Variants in CEP128 observed in about 807,000 individuals in gnomAD.
CEP128 encodes the protein centrosomal protein 128kDa.
Under a neutral mutation model 156.7 loss-of-function variants are expected in CEP128, and 132 were observed. The ratio of observed to expected loss-of-function variants is 0.84; its 90% CI spans 0.73 to 0.97. The LOEUF is 0.97. CEP128 is among the 50% of genes least tolerant of loss of function. The pLI is 0.00. For missense variants in CEP128, 1,252 were observed against 1,281.9 expected (o/e 0.98, Z 0.36); for synonymous variants, 469 against 448.9 (o/e 1.04, Z -0.57).
chr14:80,588,781 CATT>C (rs1467211602), intron 19 of CEP128, among the ~76,000 whole-genome samples: 1 of 151,974 alleles, frequency 6.6e-6, no homozygotes, highest in Non-Finnish European at 1.5e-5. Flanking sequence ...TACATAAAAA[CATT>C]ATGTTTTCAT....
At chr14:80,612,100 G>A (rs1893016272) in intron 19 of CEP128, among the ~76,000 whole-genome samples, 1 of 152,006 alleles carries the variant, frequency 6.6e-6, no homozygotes, top group South Asian at 2.1e-4. Context: ...AGATATATGA[G>A]TACCCGGTAA....
intron 19 of CEP128, among the ~76,000 whole-genome samples, chr14:80,718,243 T>C (rs1955441808): frequency 6.6e-6 from 1 of 152,214 alleles, no homozygotes; most frequent in East Asian, 1.9e-4. Flanking sequence ...ATTATCAATG[T>C]CAATTCATTA....
intron 19 of CEP128, among the ~76,000 whole-genome samples, chr14:80,740,008 A>G (rs563160006): frequency 6.6e-6 from 1 of 152,190 alleles, no homozygotes; most frequent in East Asian, 1.9e-4. Flanking sequence ...ACAGGGAAAA[A>G]TAAATAAATT....
intron 13 of CEP128, among the ~76,000 whole-genome samples, chr14:80,813,133 C>A (rs1884657004): frequency 1.3e-5 from 2 of 152,070 alleles, no homozygotes; most frequent in South Asian, 4.2e-4. Flanking sequence ...TTGTCAGATG[C>A]ATAATTTGTA....
intron 19 of CEP128, among the ~76,000 whole-genome samples, chr14:80,693,055 C>T (rs866078868): frequency 2.6e-5 from 4 of 152,228 alleles, no homozygotes; most frequent in Middle Eastern, 3.4e-3. Context: ...TCTCAAGTGA[C>T]GCAAATGCTA....
At chr14:80,874,988 G>A (rs142477979) in intron 8 of CEP128, among the ~76,000 whole-genome samples, 37 of 152,304 alleles carry the variant, frequency 2.4e-4, no homozygotes, top group African/African-American at 7.5e-4. Context: ...ACATGCAGAA[G>A]AAAGAAAACC....
chr14:80,611,288 GA>G (rs1034918142), intron 19 of CEP128, among the ~76,000 whole-genome samples: 35 of 133,160 alleles, frequency 2.6e-4, no homozygotes, highest in African/African-American at 5.8e-4. Context: ...AATTATTAAA[GA>G]AAAAAAAAAG....
At chr14:80,924,935 G>A (rs1264771387) in intron 2 of CEP128, among the ~76,000 whole-genome samples, 1 of 152,044 alleles carries the variant, frequency 6.6e-6, no homozygotes, top group African/African-American at 2.4e-5. Context: ...TGGAGATGAA[G>A]TATAGCAGGG....
chr14:80,608,841 A>G (rs1036682057), intron 19 of CEP128, among the ~76,000 whole-genome samples: 2 of 152,206 alleles, frequency 1.3e-5, no homozygotes, highest in Non-Finnish European at 2.9e-5. Flanking sequence ...GCACTGTCAC[A>G]TTATTTCTAA....
intron 20 of CEP128, among the ~76,000 whole-genome samples, chr14:80,579,755 C>T (rs1243337873): frequency 6.6e-6 from 1 of 152,192 alleles, no homozygotes; most frequent in Non-Finnish European, 1.5e-5. Context: ...CTAATAAAGA[C>T]AGACACTTGA....
At chr14:80,933,278 C>T (rs1314053760) in intron 2 of CEP128, among the ~76,000 whole-genome samples, 2 of 152,146 alleles carry the variant, frequency 1.3e-5, no homozygotes, top group Non-Finnish European at 2.9e-5. Context: ...GCTATGGCCC[C>T]AGTAACTCAG....
At chr14:80,547,903 A>T (rs1318026730) in intron 21 of CEP128, among the ~76,000 whole-genome samples, 3 of 151,860 alleles carry the variant, frequency 2.0e-5, no homozygotes, top group Non-Finnish European at 4.4e-5. Context: ...GGTTCAAGCA[A>T]TTCTCCTGCC....
chr14:80,684,739 A>G (rs893511216), intron 19 of CEP128, among the ~76,000 whole-genome samples: 3 of 152,072 alleles, frequency 2.0e-5, no homozygotes, highest in Non-Finnish European at 4.4e-5. Context: ...AGCACACCAA[A>G]AAGTTAACTC....
intron 21 of CEP128, among the ~76,000 whole-genome samples, chr14:80,544,398 G>A (rs763058759): frequency 1.6e-4 from 25 of 152,162 alleles, no homozygotes; most frequent in Non-Finnish European, 2.5e-4. Flanking sequence ...AGCAGATCTT[G>A]TGTCTGGTGA....
upstream of CEP128, among the ~76,000 whole-genome samples, chr14:80,942,590 C>T (rs2139642797): frequency 6.6e-6 from 1 of 152,274 alleles, no homozygotes; most frequent in East Asian, 1.9e-4. Flanking sequence ...GAAAGCTTTC[C>T]TGGCTACGTG....
At chr14:80,607,137 G>A (rs554963689) in intron 19 of CEP128, among the ~76,000 whole-genome samples, 2 of 151,824 alleles carry the variant, frequency 1.3e-5, no homozygotes, top group Non-Finnish European at 2.9e-5. Flanking sequence ...TTTAGAGAAA[G>A]CCTTTGATAT....
At chr14:80,727,672 A>T (rs1387780397) in intron 19 of CEP128, among the ~76,000 whole-genome samples, 1 of 152,142 alleles carries the variant, frequency 6.6e-6, no homozygotes, top group East Asian at 1.9e-4. Context: ...TTAAATCAAC[A>T]AGCAAAAATA....
At chr14:80,929,730 AG>A (rs1885347986) in intron 2 of CEP128, among the ~76,000 whole-genome samples, 1 of 152,092 alleles carries the variant, frequency 6.6e-6, no homozygotes, top group Non-Finnish European at 1.5e-5. Context: ...GCAGTGTGAG[AG>A]GGGGTTGAGG....
chr14:80,815,904 A>C (rs1884825384), intron 13 of CEP128, among the ~76,000 whole-genome samples: 1 of 152,198 alleles, frequency 6.6e-6, no homozygotes, highest in Admixed American at 6.5e-5. Context: ...AGAGTGTGGA[A>C]TAATAGATAC....
Sources: gnomAD v4.1 joint callset for allele counts (sites outside exome capture counted in the v4.1 genomes callset) on GRCh38, gnomAD v4.1.1 for gene constraint, MANE v1.5 for transcripts, NCBI Gene and HGNC (gene_info 2026-07-23, HGNC 2026-07-21) for gene names.